The following LATS1 variants were observed in gnomAD, a reference collection of about 807,000 sequenced individuals.
LATS1 encodes serine/threonine-protein kinase LATS1.
In LATS1, 25 loss-of-function variants were observed where a neutral mutation model predicts 106.6. That is an observed-to-expected ratio of 0.23 (90% CI 0.17 to 0.33). LATS1 has a LOEUF of 0.33. Ranked by LOEUF, LATS1 falls within the 10% of genes least tolerant of loss-of-function variation. The pLI, the probability that LATS1 is intolerant of heterozygous loss-of-function variation, is 1.00. For synonymous variants in LATS1, 465 were observed against 455.6 expected (o/e 1.02, Z -0.26); for missense variants, 1,040 against 1,382.6 (o/e 0.75, Z 3.93).
rs764556925 is a variant in LATS1 at position 149,702,102 on chromosome 6, C to T, written c.25G>A (p.Gly9Arg). The T allele has an allele frequency of 6.2e-6, 10 of 1,609,818 alleles. No homozygotes were observed. In the South Asian group the frequency reaches 7.7e-5, roughly 12 times the overall value. Residue 9 changes from glycine (G) to arginine (R), a missense_variant, in exon 2 of 8, where the codon GGA (glycine) becomes AGA (arginine). Physicochemically the swap from Gly to Arg is moderately radical, Grantham distance 125. This residue lies in a region of LATS1 where 624 missense variants were observed against 714.8 expected (regional missense o/e 0.87). Transcript: ENST00000543571. MKRSEKPE[G>R]YRQMRPKTFP... ...GTCTTAGGCCTCATTTGTCTATATC[C>T]TTCTGGCTTTTCACTCCTCTTCATG...
chr6:149,712,352 C>A (rs868487528), intron 1 of LATS1, among the ~76,000 whole-genome samples: 1 of 152,102 alleles, frequency 6.6e-6, no homozygotes, highest in Non-Finnish European at 1.5e-5. Flanking sequence ...CCATGTGCCA[C>A]CACACCCGGT....
chr6:149,717,964 C>T lies in LATS1; in HGVS notation c.-256G>A. 5.5e-6 allele frequency: 2 copies of T among 363,264 alleles called. No homozygotes were observed. The highest frequency in any genetic ancestry group is 5.3e-6 in the Non-Finnish European group (1 of 188,612). The allele number at this position is 363,264 out of a possible 1,614,324, so 22.5% of individuals were successfully genotyped here. A position where few individuals can be genotyped will look rare whatever the true frequency, so the allele number is the denominator to read the frequency against. ...TCCCTGGTGGGGCAGAGCGGGGAGA[C>T]GAACGGGGGGGCTGCCGCGGGCCAG... On this transcript the variant is annotated 5_prime_UTR_variant, in exon 1 of 8. Transcript: ENST00000543571.
At chr6:149,697,816 A>G (rs149545896) in intron 2 of LATS1, among the ~76,000 whole-genome samples, 2 of 152,192 alleles carry the variant, frequency 1.3e-5, no homozygotes, top group East Asian at 3.9e-4. Flanking sequence ...GCTCACGACA[A>G]TCTCCACCTC....
chr6:149,677,638 G>T (rs961361593), intron 5 of LATS1, among the ~76,000 whole-genome samples: 2 of 152,172 alleles, frequency 1.3e-5, no homozygotes, highest in Non-Finnish European at 2.9e-5. Flanking sequence ...GAGAAATTAC[G>T]AATTTCAGAG....
chr6:149,712,158 G>A (rs148240744), intron 1 of LATS1, among the ~76,000 whole-genome samples: 459 of 152,044 alleles, frequency 3.0e-3, no homozygotes, highest in Non-Finnish European at 3.9e-3. Context: ...ACATAATACC[G>A]TGAACATCTT....
At chr6:149,693,691 G>A (rs999850106) in intron 3 of LATS1, among the ~76,000 whole-genome samples, 2 of 152,106 alleles carry the variant, frequency 1.3e-5, no homozygotes, top group African/African-American at 4.8e-5. Flanking sequence ...AAATGCAAAT[G>A]TAAAATAAGA....
chr6:149,662,264 G>T, intron 7 of LATS1, 26 bp from the exon 8 acceptor site: 1 of 1,515,136 alleles, frequency 6.6e-7, no homozygotes, highest in Non-Finnish European at 8.8e-7. Flanking sequence ...AAAATTAGGG[G>T]GAAGAGATAA....
At chr6:149,713,222 G>A (rs1302872968) in intron 1 of LATS1, among the ~76,000 whole-genome samples, 1 of 152,016 alleles carries the variant, frequency 6.6e-6, no homozygotes, top group Non-Finnish European at 1.5e-5. Context: ...AGAAGTTCTA[G>A]AGTAGCAGTC....
At chr6:149,696,578 A>G (rs922715747) in intron 2 of LATS1, among the ~76,000 whole-genome samples, 2 of 151,150 alleles carry the variant, frequency 1.3e-5, no homozygotes, top group African/African-American at 4.8e-5. Context: ...AAAAAAAAAA[A>G]AAAAAAAAGA....
chr6:149,659,881 A>G lies in LATS1; in HGVS notation c.*1848T>C, dbSNP rs1359764385. On this transcript the variant is annotated 3_prime_UTR_variant, in exon 8 of 8. Coordinates refer to ENST00000543571, the MANE Select transcript of LATS1 (RefSeq NM_004690.4). ...GTATCAAGCTTGTAATGAGCCTAAC[A>G]TTTCAGTCCCCTCCAAATGATATAT... The G allele has an allele frequency of 1.3e-5, 3 of 228,020 alleles. No individual in the cohort carries two copies. In the East Asian group the frequency reaches 1.9e-4, roughly 14 times the overall value. 14.1% of individuals were successfully genotyped at this position (228,020 alleles called of 1,614,324 possible).
In LATS1 at chr6:149,695,820, A is replaced by C. The variant is rs1317425960; in HGVS notation, c.349-599T>G. On this transcript the variant is annotated intron_variant, in intron 2 of 7. Coordinates refer to ENST00000543571, the MANE Select transcript of LATS1 (RefSeq NM_004690.4). Reference sequence around the variant, plus strand: ...GTATTTTTAAATTTTTATTTTTTTCAACACACCATTGTTGGCTTGAATTAG... The same window carrying C: ...GTATTTTTAAATTTTTATTTTTTTCCACACACCATTGTTGGCTTGAATTAG... Among the ~76,000 whole-genome samples, 4 of 152,020 alleles carry C rather than the reference A, an allele frequency of 2.6e-5. No homozygotes were observed. In the East Asian group the frequency reaches 5.8e-4, roughly 22 times the overall value.
intron 1 of LATS1, among the ~76,000 whole-genome samples, chr6:149,711,976 G>A (rs763531164): frequency 2.6e-5 from 4 of 152,036 alleles, no homozygotes; most frequent in Non-Finnish European, 4.4e-5. Context: ...GAGTGACAGA[G>A]AGAGAGAGAG....
At chr6:149,686,323 T>C (rs1424447785) in intron 3 of LATS1, among the ~76,000 whole-genome samples, 1 of 152,216 alleles carries the variant, frequency 6.6e-6, no homozygotes, top group Non-Finnish European at 1.5e-5. Context: ...ACAAGTCCTC[T>C]GGCCATCAGG....
At chr6:149,700,404 C>T (rs1478710005) in intron 2 of LATS1, among the ~76,000 whole-genome samples, 1 of 152,054 alleles carries the variant, frequency 6.6e-6, no homozygotes, top group Non-Finnish European at 1.5e-5. Context: ...ACCCGGGAGG[C>T]AGAGGTTGCA....
In LATS1 at chr6:149,661,723, A is replaced by G; in HGVS notation, c.*6T>C. The G allele has an allele frequency of 6.5e-7, 1 of 1,528,402 alleles. No individual in the cohort carries two copies. Among genetic ancestry groups the G allele is most frequent in the South Asian group, 1.3e-5 (1 of 76,192 alleles). 94.7% of individuals were successfully genotyped at this position (1,528,402 alleles called of 1,614,324 possible). The stretch of plus-strand genomic sequence containing the variant: ...CAAATCCTCATTACATTTATTTACT[A>G]GTGTGTTAAACATATACTAGATCGC... On this transcript the variant is annotated 3_prime_UTR_variant, in exon 8 of 8. Coordinates refer to ENST00000543571, the MANE Select transcript of LATS1 (RefSeq NM_004690.4).
intron 3 of LATS1, among the ~76,000 whole-genome samples, chr6:149,689,533 C>T (rs112297953): frequency 0.031 from 4,641 of 151,842 alleles, 253 homozygotes; most frequent in African/African-American, 0.1. Context: ...TTGTTTTTAA[C>T]TTAAAAGAAA....
chr6:149,671,901 T>C lies in LATS1; in HGVS notation c.2883+4359A>G, dbSNP rs1464029146. On this transcript the variant is annotated intron_variant, in intron 7 of 7. Transcript: ENST00000543571. ...TTTAGATCTATGATTTCTTTCTTTT[T>C]TTTTTGAGACAGAGTCTCACTCTGT... is the stretch of plus-strand genomic sequence containing the variant. 4.6e-5 allele frequency among the ~76,000 whole-genome samples: 7 copies of C among 151,892 alleles called. No homozygotes were observed. In the East Asian group the frequency reaches 1.4e-3, roughly 29 times the overall value.
chr6:149,683,991 G>A lies in LATS1; in HGVS notation c.1098C>T (p.Gly366=), dbSNP rs766461692. The part of the protein sequence containing the change: ...FMIHQNVVPA[G]TVNRQPPPPY... ...GAGGTGGTGGCTGCCGATTCACAGT[G>A]CCAGCAGGGACAACATTTTGGTGTA... The change falls in exon 4 of 8, where the codon GGC becomes GGT. Residue 366 remains glycine, a synonymous_variant. Coordinates refer to ENST00000543571, the MANE Select transcript of LATS1 (RefSeq NM_004690.4). The A allele has an allele frequency of 1.9e-6, 3 of 1,613,988 alleles. No individual in the cohort carries two copies. In the Admixed American group the frequency reaches 5.0e-5, roughly 27 times the overall value.
At chr6:149,688,560 G>A (rs1048232671) in intron 3 of LATS1, among the ~76,000 whole-genome samples, 11 of 151,546 alleles carry the variant, frequency 7.3e-5, no homozygotes, top group Admixed American at 2.0e-4. Context: ...CGCCCACCTC[G>A]GCCTCCCAAA....
Sources: gnomAD v4.1 joint callset for allele counts (sites outside exome capture counted in the v4.1 genomes callset) on GRCh38, gnomAD v4.1.1 for gene constraint, gnomAD v4.1.1 regional missense constraint, MANE v1.5 for transcripts, NCBI Gene and HGNC (gene_info 2026-07-23, HGNC 2026-07-21) for gene names.